The following TOPAZ1 variants were observed in gnomAD, a reference collection of about 807,000 sequenced individuals.
TOPAZ1 encodes the protein testis and ovary specific TOPAZ 1, also known as protein TOPAZ1.
Under a neutral mutation model 172.2 loss-of-function variants are expected in TOPAZ1, and 66 were observed. The ratio of observed to expected loss-of-function variants is 0.38; its 90% CI spans 0.31 to 0.47. TOPAZ1 has a LOEUF of 0.47. Ranked by LOEUF, TOPAZ1 falls within the 20% of genes least tolerant of loss-of-function variation. The pLI is 0.99. For missense variants in TOPAZ1, 1,822 were observed against 1,972.4 expected (o/e 0.92, Z 1.44); for synonymous variants, 681 against 683.9 (o/e 1.00, Z 0.07).
intron 16 of TOPAZ1, among the ~76,000 whole-genome samples, chr3:44,317,884 G>T (rs781509950): frequency 6.6e-6 from 1 of 152,164 alleles, no homozygotes. Context: ...GAACTAGCTA[G>T]ATTAAATTTA....
rs150049423 is a variant in TOPAZ1, at chr3:44,282,070, G to A, written c.3436+39G>A. On this transcript the variant is annotated intron_variant, in intron 9 of 19. Coordinates refer to ENST00000309765, the MANE Select transcript of TOPAZ1 (RefSeq NM_001145030.2). ...AAATAATTAGTATGAAGCTATTAAT[G>A]TGTTGTTTGAAAATAGTTTAAAAGT... is the stretch of plus-strand genomic sequence containing the variant. 4.7e-4 allele frequency: 620 copies of A among 1,311,928 alleles called. No individual in the cohort carries two copies. The African/African-American group carries it at 8.5e-3, about 18-fold the overall frequency. 81.3% of individuals were successfully genotyped at this position (1,311,928 alleles called of 1,614,324 possible).
At chr3:44,254,487 C>G (rs1440950600) in intron 2 of TOPAZ1, among the ~76,000 whole-genome samples, 1 of 151,814 alleles carries the variant, frequency 6.6e-6, no homozygotes, top group Non-Finnish European at 1.5e-5. Flanking sequence ...ATTAGCTGGG[C>G]GTCGTGGTGC....
At chr3:44,308,191 G>A (rs1003214420) in intron 15 of TOPAZ1, among the ~76,000 whole-genome samples, 5 of 152,066 alleles carry the variant, frequency 3.3e-5, no homozygotes, top group Non-Finnish European at 5.9e-5. Flanking sequence ...CCGGGAGGCG[G>A]AGGTTGCAGT....
Position 44,244,320 on chromosome 3 carries a change from G to A in TOPAZ1, c.1814G>A (p.Gly605Glu). The change falls in exon 2 of 20, where the codon GGG (glycine) becomes GAG (glutamate). Residue 605 changes from glycine (G) to glutamate (E), a missense_variant. By Grantham distance (98) the Gly-to-Glu change is moderately conservative. Coordinates refer to ENST00000309765, the MANE Select transcript of TOPAZ1 (RefSeq NM_001145030.2). ...AAATCAGAGGAACTGAGCAGAAGAG[G>A]GTCAGAGGTAATTTCTAACACTACT... ...KIKSEELSRR[G>E]SEVISNTTED... 1.3e-6 allele frequency: 2 copies of A among 1,550,700 alleles called. No individual in the cohort carries two copies. Among genetic ancestry groups the A allele is most frequent in the Non-Finnish European group, 1.7e-6 (2 of 1,146,760 alleles).
chr3:44,298,234 C>T (rs1272101454), intron 12 of TOPAZ1, among the ~76,000 whole-genome samples: 1 of 152,036 alleles, frequency 6.6e-6, no homozygotes, highest in Non-Finnish European at 1.5e-5. Flanking sequence ...GAGGGAGAGG[C>T]AGGCAGATTA....
chr3:44,266,852 G>A (rs904202335), intron 5 of TOPAZ1, 145 bp from the exon 6 acceptor site: 7 of 519,642 alleles, frequency 1.3e-5, no homozygotes, highest in Middle Eastern at 5.4e-4. Context: ...AGACTTGCTC[G>A]ACTCAGGGTT....
At chr3:44,279,813 G>A (rs1260783683) in intron 8 of TOPAZ1, among the ~76,000 whole-genome samples, 6 of 152,004 alleles carry the variant, frequency 3.9e-5, no homozygotes, top group African/African-American at 1.4e-4. Context: ...TTACATTCAA[G>A]GTTATTATTG....
chr3:44,261,646 T>G (rs1340845772), intron 4 of TOPAZ1, among the ~76,000 whole-genome samples: 1 of 152,210 alleles, frequency 6.6e-6, no homozygotes, highest in African/African-American at 2.4e-5. Flanking sequence ...GCACTCTTTT[T>G]GAGTTTCATA....
rs1174778048 is a variant in TOPAZ1, at chr3:44,243,158, G to A, written c.652G>A (p.Val218Ile). 1.3e-6 allele frequency: 2 copies of A among 1,549,800 alleles called. No homozygotes were observed. The highest frequency in any genetic ancestry group is 2.0e-5 in the Admixed American group (1 of 50,810). ...KYSCNILSPE[V>I]ENNSVLKLRD... ...TTCTTGTAATATCTTGTCACCTGAAGTAGAAAATAATTCCGTTTTAAAATT... is the reference window on the plus strand; with the variant it reads ...TTCTTGTAATATCTTGTCACCTGAAATAGAAAATAATTCCGTTTTAAAATT... The change falls in exon 2 of 20, where the codon GTA becomes ATA. Residue 218 changes from valine (V) to isoleucine (I), a missense_variant. Around this residue, in one of 2 missense-constraint regions of TOPAZ1, gnomAD observed 1,489 missense variants for 1,490.8 expected, o/e 1.00. Coordinates refer to ENST00000309765, the MANE Select transcript of TOPAZ1 (RefSeq NM_001145030.2).
chr3:44,333,055 C>T (rs1700688507), downstream of TOPAZ1, among the ~76,000 whole-genome samples: 1 of 150,630 alleles, frequency 6.6e-6, no homozygotes, highest in Admixed American at 6.6e-5. Context: ...AACTTCTGGA[C>T]TCAAGCTGTC....
Position 44,245,259 on chromosome 3 carries a change from G to C in TOPAZ1, c.2753G>C (p.Ser918Thr). The change falls in exon 2 of 20, where the codon AGT becomes ACT. Residue 918 changes from serine (S) to threonine (T), a missense_variant. Ser to Thr is a moderately conservative substitution (Grantham distance 58). This residue lies in a region of TOPAZ1 where 1,489 missense variants were observed against 1,490.8 expected (regional missense o/e 1.00). Transcript: ENST00000309765. ...YMETPVKKEP[S>T]DDLRELPVLD... ...GAAACTCCAGTAAAAAAAGAACCAAGTGATGACTTAAGGTATGCATGTTCA... is the reference window on the plus strand; with the variant it reads ...GAAACTCCAGTAAAAAAAGAACCAACTGATGACTTAAGGTATGCATGTTCA... 1 of 1,538,846 alleles carries C rather than the reference G, an allele frequency of 6.5e-7. No individual in the cohort carries two copies. The highest frequency in any genetic ancestry group is 8.7e-7 in the Non-Finnish European group (1 of 1,142,880).
chr3:44,305,447 G>A (rs376970875), intron 14 of TOPAZ1, 126 bp downstream of exon 14: 18 of 715,384 alleles, frequency 2.5e-5, no homozygotes, highest in African/African-American at 1.7e-4. Flanking sequence ...ATAGCTCACC[G>A]CAGCCTCGAA....
At chr3:44,303,516 T>C (rs1700300741) in intron 12 of TOPAZ1, among the ~76,000 whole-genome samples, 1 of 147,164 alleles carries the variant, frequency 6.8e-6, no homozygotes, top group African/African-American at 2.5e-5. Flanking sequence ...TTTTCAAACT[T>C]AATGTGGACT....
chr3:44,309,680 T>A, intron 15 of TOPAZ1, 145 bp from the exon 16 acceptor site: 4 of 627,692 alleles, frequency 6.4e-6, no homozygotes, highest in Non-Finnish European at 1.1e-5. Flanking sequence ...GGAAGGGGCT[T>A]AAGGAAAGAG....
chr3:44,327,618 CTG>C (rs1195617499), intron 18 of TOPAZ1, among the ~76,000 whole-genome samples: 1 of 152,100 alleles, frequency 6.6e-6, no homozygotes, highest in Non-Finnish European at 1.5e-5. Context: ...CTATAAATAA[CTG>C]TGCTCAAAAA....
In TOPAZ1 at chr3:44,287,386, C is replaced by T; in HGVS notation, c.3437-3C>T. ...ACTTTAGTATATATATTTTCATTTT[C>T]AGTAAACATATTTATGGAGTACTAC... On this transcript the variant is annotated splice_polypyrimidine_tract_variant and splice_region_variant and intron_variant, in intron 9 of 19. Transcript: ENST00000309765. The T allele has an allele frequency of 7.0e-6, 10 of 1,434,604 alleles. No homozygotes were observed. Among genetic ancestry groups the T allele is most frequent in the Non-Finnish European group, 9.2e-6 (10 of 1,086,392 alleles). 88.9% of individuals were successfully genotyped at this position (1,434,604 alleles called of 1,614,324 possible).
At chr3:44,272,047 A>G (rs1699904759) in intron 8 of TOPAZ1, among the ~76,000 whole-genome samples, 1 of 152,144 alleles carries the variant, frequency 6.6e-6, no homozygotes, top group African/African-American at 2.4e-5. Context: ...CATGTTCTCC[A>G]GTCTATCTGT....
chr3:44,283,768 C>CA (rs1464650115), intron 9 of TOPAZ1, among the ~76,000 whole-genome samples: 1 of 152,170 alleles, frequency 6.6e-6, no homozygotes, highest in African/African-American at 2.4e-5. Flanking sequence ...GCCTTACACG[C>CA]ACACACATTT....
At chr3:44,299,972 G>A (rs1362445439) in intron 12 of TOPAZ1, among the ~76,000 whole-genome samples, 1 of 149,892 alleles carries the variant, frequency 6.7e-6, no homozygotes, top group Non-Finnish European at 1.5e-5. Context: ...GGAGGGGGAA[G>A]CAATAGCTTT....
Sources: gnomAD v4.1 joint callset for allele counts (sites outside exome capture counted in the v4.1 genomes callset) on GRCh38, gnomAD v4.1.1 for gene constraint, gnomAD v4.1.1 regional missense constraint, MANE v1.5 for transcripts, NCBI Gene and HGNC (gene_info 2026-07-23, HGNC 2026-07-21) for gene names.